Variants in ARHGAP32 observed in about 807,000 individuals in gnomAD.
ARHGAP32 encodes Rho GTPase activating protein 32, also known as rho GTPase-activating protein 32.
Under a neutral mutation model 186.5 loss-of-function variants are expected in ARHGAP32, and 51 were observed. That is an observed-to-expected ratio of 0.27 (90% CI 0.22 to 0.35). The LOEUF (loss-of-function observed/expected upper bound fraction) is 0.35. Ranked by LOEUF, ARHGAP32 falls within the 10% of genes least tolerant of loss-of-function variation. The probability of loss-of-function intolerance (pLI) is 1.00; values close to 1 mark genes in which losing one functional copy is unlikely to be tolerated. For synonymous variants in ARHGAP32, 950 were observed against 964.3 expected (o/e 0.99, Z 0.27); for missense variants, 2,186 against 2,623.5 (o/e 0.83, Z 3.64).
rs1049545428 is a variant in ARHGAP32, at chr11:129,245,023, T to C, written c.-5+34123A>G. On this transcript the variant is annotated intron_variant, in intron 1 of 6. Coordinates refer to the ARHGAP32 transcript ENST00000525234. ...CTGGGACTGTAAACTAGTTCAACCA[T>C]TGTGGAAGTCAGTGTGGCGATTCCT... 9.9e-5 allele frequency among the ~76,000 whole-genome samples: 15 copies of C among 152,004 alleles called. No individual in the cohort carries two copies. The East Asian group carries it at 2.9e-3, about 29-fold the overall frequency.
intron 1 of ARHGAP32, 78 bp from the exon 2 acceptor site, chr11:129,164,505 G>A: frequency 1.3e-6 from 1 of 793,660 alleles, no homozygotes; most frequent in South Asian, 1.8e-5. Context: ...AATTGAAAGA[G>A]CAGAAAAACT....
At chr11:129,066,271 T>C (rs1018654714) in intron 7 of ARHGAP32, among the ~76,000 whole-genome samples, 2 of 152,102 alleles carry the variant, frequency 1.3e-5, no homozygotes, top group Non-Finnish European at 2.9e-5. Context: ...TGATTCCCAA[T>C]GGTACTTTTG....
chr11:129,003,824 A>G (rs1937630704), intron 11 of ARHGAP32, among the ~76,000 whole-genome samples: 1 of 152,014 alleles, frequency 6.6e-6, no homozygotes, highest in Non-Finnish European at 1.5e-5. Flanking sequence ...TTTTCAAAAA[A>G]TCAACTTTTT....
chr11:129,235,294 T>C (rs960562884), intron 1 of ARHGAP32, among the ~76,000 whole-genome samples: 3 of 152,152 alleles, frequency 2.0e-5, no homozygotes, highest in Non-Finnish European at 4.4e-5. Context: ...CCACGAGCTC[T>C]ACCTGGTCTA....
At chr11:129,046,871 T>A (rs1055782085) in intron 10 of ARHGAP32, among the ~76,000 whole-genome samples, 28 of 152,118 alleles carry the variant, frequency 1.8e-4, no homozygotes, top group African/African-American at 6.3e-4. Context: ...ACGCCTGTAA[T>A]CCCAGCACTT....
intron 2 of ARHGAP32, among the ~76,000 whole-genome samples, chr11:129,136,609 GAAT>G (rs1244210213): frequency 9.2e-5 from 14 of 152,082 alleles, no homozygotes; most frequent in African/African-American, 3.4e-4. Context: ...AAGCTAAATA[GAAT>G]AATAAATCAA....
At chr11:129,103,974 T>C (rs531217757) in intron 5 of ARHGAP32, among the ~76,000 whole-genome samples, 3 of 152,052 alleles carry the variant, frequency 2.0e-5, no homozygotes, top group African/African-American at 4.8e-5. Flanking sequence ...ATAGGAAATA[T>C]CTAAGTAACT....
intron 10 of ARHGAP32, among the ~76,000 whole-genome samples, chr11:129,053,079 A>C (rs553264630): frequency 1.3e-4 from 20 of 152,118 alleles, no homozygotes; most frequent in African/African-American, 4.3e-4. Flanking sequence ...AAGTATAATA[A>C]AAAAAAGAAA....
intron 10 of ARHGAP32, among the ~76,000 whole-genome samples, chr11:129,050,742 C>T (rs1399109096): frequency 6.6e-6 from 1 of 152,140 alleles, no homozygotes; most frequent in African/African-American, 2.4e-5. Flanking sequence ...CTGCTGCACC[C>T]ATCAACTTGT....
intron 1 of ARHGAP32, among the ~76,000 whole-genome samples, chr11:129,270,494 T>C (rs1945460171): frequency 6.6e-6 from 1 of 151,760 alleles, no homozygotes; most frequent in South Asian, 2.1e-4. Flanking sequence ...CAAGAGTCAG[T>C]CTTTTTTTTT....
intron 2 of ARHGAP32, among the ~76,000 whole-genome samples, chr11:129,143,987 C>T (rs957394579): frequency 2.6e-5 from 4 of 152,088 alleles, no homozygotes; most frequent in African/African-American, 9.7e-5. Flanking sequence ...TGGAAGGAAA[C>T]TATTGTACCA....
rs1945215555 is a variant in ARHGAP32 at position 128,966,057 on chromosome 11, T to A, written c.*2850A>T. The stretch of plus-strand genomic sequence containing the variant: ...TAAGAAATAAGGCTCCAATGAAATT[T>A]ATTAATAAGAAAATGGCACCTCTGG... On this transcript the variant is annotated 3_prime_UTR_variant, in exon 23 of 23. Coordinates refer to ENST00000682385, the MANE Select transcript of ARHGAP32 (RefSeq NM_001378024.1). 1 of 152,222 alleles carries A rather than the reference T, an allele frequency of 6.6e-6. No individual in the cohort carries two copies. Among genetic ancestry groups the A allele is most frequent in the African/African-American group, 2.4e-5 (1 of 41,454 alleles). 9.4% of individuals were successfully genotyped at this position (152,222 alleles called of 1,614,324 possible).
Position 128,968,666 on chromosome 11 carries a change from C to T in ARHGAP32, c.*241G>A, listed in dbSNP as rs763019767. 4 of 338,648 alleles carry T rather than the reference C, an allele frequency of 1.2e-5. No individual in the cohort carries two copies. The highest frequency in any genetic ancestry group is 9.1e-5 in the Admixed American group (2 of 22,002). 21.0% of individuals were successfully genotyped at this position (338,648 alleles called of 1,614,324 possible). A position where few individuals can be genotyped will look rare whatever the true frequency, so the allele number is the denominator to read the frequency against. Reference sequence around the variant, plus strand: ...GACAGGTTTCTCTACTGGGTTTCAGCACGGGGCTTTACCATCCTTCAGATC... The same window carrying T: ...GACAGGTTTCTCTACTGGGTTTCAGTACGGGGCTTTACCATCCTTCAGATC... On this transcript the variant is annotated 3_prime_UTR_variant, in exon 23 of 23. Coordinates refer to ENST00000682385, the MANE Select transcript of ARHGAP32 (RefSeq NM_001378024.1).
rs1375542817 is a variant in ARHGAP32 at position 129,192,075 on chromosome 11, A to G, written c.116+8T>C. ...ACAGGACAAAGGAACTGTGAATTCC[A>G]TAATCACCTGAACTTCTCTTCCCTT... On this transcript the variant is annotated splice_region_variant and intron_variant, in intron 1 of 22. Coordinates refer to ENST00000682385, the MANE Select transcript of ARHGAP32 (RefSeq NM_001378024.1). 6.2e-7 allele frequency: 1 copy of G among 1,603,698 alleles called. No individual in the cohort carries two copies. The highest frequency in any genetic ancestry group is 8.5e-7 in the Non-Finnish European group (1 of 1,170,826).
chr11:129,225,325 A>G (rs1944765909), intron 1 of ARHGAP32, among the ~76,000 whole-genome samples: 1 of 152,174 alleles, frequency 6.6e-6, no homozygotes, highest in South Asian at 2.1e-4. Flanking sequence ...AACTGTGTAC[A>G]TGCTCAAAGA....
intron 1 of ARHGAP32, among the ~76,000 whole-genome samples, chr11:129,215,419 T>G (rs772834966): frequency 1.5e-4 from 23 of 152,174 alleles, no homozygotes; most frequent in Non-Finnish European, 2.5e-4. Flanking sequence ...AACAAGTCAC[T>G]CCAAATTCAA....
chr11:129,144,591 G>A (rs924952954), intron 2 of ARHGAP32, among the ~76,000 whole-genome samples: 3 of 152,118 alleles, frequency 2.0e-5, no homozygotes, highest in African/African-American at 4.8e-5. Context: ...ATGTGGAAGT[G>A]CCAAAAACCA....
At chr11:129,227,533 C>T (rs868811436) in intron 1 of ARHGAP32, among the ~76,000 whole-genome samples, 2 of 149,696 alleles carry the variant, frequency 1.3e-5, no homozygotes, top group Non-Finnish European at 3.0e-5. Flanking sequence ...AAGAAACACA[C>T]TTTAAATATA....
rs543412055 is a variant in ARHGAP32, at chr11:129,064,835, A to G, written c.762+6T>C. The stretch of plus-strand genomic sequence containing the variant: ...CATTTTTCATGAAAAGTGAATTAGG[A>G]AATACCTCCATCCAGGTAAGGGCGG... On this transcript the variant is annotated splice_donor_region_variant and intron_variant, in intron 8 of 22. Coordinates refer to ENST00000682385, the MANE Select transcript of ARHGAP32 (RefSeq NM_001378024.1). 5.1e-6 allele frequency: 8 copies of G among 1,575,296 alleles called. No individual in the cohort carries two copies. In the African/African-American group the frequency reaches 9.5e-5, roughly 19 times the overall value.
Sources: gnomAD v4.1 joint callset for allele counts (sites outside exome capture counted in the v4.1 genomes callset) on GRCh38, gnomAD v4.1.1 for gene constraint, MANE v1.5 for transcripts, NCBI Gene and HGNC (gene_info 2026-07-23, HGNC 2026-07-21) for gene names.